SLC35D4: variants seen among roughly 807,000 people sequenced by gnomAD.
The protein encoded by SLC35D4 is solute carrier family 35 member D4.
At chr18:23,414,444 G>A in the SLC35D4 span, among the ~76,000 whole-genome samples, 7 of 150,382 alleles carry the variant, frequency 4.7e-5, no homozygotes, top group African/African-American at 4.9e-5. Context: ...AGGCCTAGGC[G>A]GGTGGATCAC....
At chr18:23,267,039 ACT>A in the SLC35D4 span, among the ~76,000 whole-genome samples, 1 of 152,074 alleles carries the variant, frequency 6.6e-6, no homozygotes, top group African/African-American at 2.4e-5. Flanking sequence ...CTGTGCCCAC[ACT>A]CTGCCCTAAA....
At chr18:23,384,881 G>T in the SLC35D4 span, 1 of 903,594 alleles carries the variant, frequency 1.1e-6, no homozygotes, top group East Asian at 2.6e-5. Context: ...ATCTTGCCTG[G>T]AGATTGGTGG....
At chr18:23,374,672 G>A in the SLC35D4 span, among the ~76,000 whole-genome samples, 1 of 151,908 alleles carries the variant, frequency 6.6e-6, no homozygotes, top group Non-Finnish European at 1.5e-5. Flanking sequence ...TTTAGTAGAG[G>A]TGGGGTTTCT....
At chr18:23,298,096 C>G in the SLC35D4 span, 2 of 1,613,296 alleles carry the variant, frequency 1.2e-6, no homozygotes, top group South Asian at 1.1e-5. Flanking sequence ...GGTCAGCTCT[C>G]CACTCCCCCG....
At chr18:23,318,763 G>A in the SLC35D4 span, among the ~76,000 whole-genome samples, 2 of 152,156 alleles carry the variant, frequency 1.3e-5, no homozygotes, top group African/African-American at 4.8e-5. Context: ...GTAGACATTT[G>A]AGGATTAGAT....
At chr18:23,300,497 G>C in the SLC35D4 span, among the ~76,000 whole-genome samples, 2 of 152,206 alleles carry the variant, frequency 1.3e-5, no homozygotes, top group Non-Finnish European at 2.9e-5. Flanking sequence ...TTAGAAAAAT[G>C]CTGGAGTATA....
the SLC35D4 span, chr18:23,260,363 C>CCCTA: frequency 6.6e-6 from 1 of 152,276 alleles, no homozygotes; most frequent in Non-Finnish European, 1.5e-5. Flanking sequence ...CCACTCTGTA[C>CCCTA]CACGTGCCCT....
At chr18:23,268,757 G>A in the SLC35D4 span, among the ~76,000 whole-genome samples, 4 of 152,262 alleles carry the variant, frequency 2.6e-5, no homozygotes, top group Non-Finnish European at 4.4e-5. Context: ...AGCGGCTGGA[G>A]GGTATATTTC....
the SLC35D4 span, among the ~76,000 whole-genome samples, chr18:23,361,937 A>G: frequency 1.3e-5 from 2 of 152,204 alleles, no homozygotes; most frequent in Middle Eastern, 3.2e-3. Context: ...AGTGGTTTTT[A>G]GTATATTCAT....
chr18:23,281,431 T>C, the SLC35D4 span, among the ~76,000 whole-genome samples: 1 of 152,300 alleles, frequency 6.6e-6, no homozygotes, highest in Non-Finnish European at 1.5e-5. Context: ...TGACTGATCC[T>C]CCCACCTCAG....
the SLC35D4 span, among the ~76,000 whole-genome samples, chr18:23,347,594 A>C: frequency 6.6e-6 from 1 of 151,984 alleles, no homozygotes; most frequent in Non-Finnish European, 1.5e-5. Flanking sequence ...AATCATTTAA[A>C]ATTTTTTTCT....
the SLC35D4 span, among the ~76,000 whole-genome samples, chr18:23,265,253 G>A: frequency 6.6e-6 from 1 of 152,126 alleles, no homozygotes; most frequent in Non-Finnish European, 1.5e-5. Flanking sequence ...GAACTGGGGT[G>A]TGTGTTCCAC....
chr18:23,249,759 CCCGACA>C, the SLC35D4 span, among the ~76,000 whole-genome samples: 2 of 152,130 alleles, frequency 1.3e-5, no homozygotes, highest in Non-Finnish European at 2.9e-5. Flanking sequence ...ACCCCCCGCC[CCCGACA>C]GCCCTTTCCA....
chr18:23,340,387 T>C, the SLC35D4 span, among the ~76,000 whole-genome samples: 1 of 152,024 alleles, frequency 6.6e-6, no homozygotes, highest in Non-Finnish European at 1.5e-5. Context: ...GCCAGCTGTT[T>C]CAGGCCAGCA....
the SLC35D4 span, among the ~76,000 whole-genome samples, chr18:23,435,084 G>T: frequency 4.0e-5 from 6 of 151,028 alleles, no homozygotes; most frequent in Non-Finnish European, 8.9e-5. Flanking sequence ...CTTGAACCTG[G>T]GAGGCGGAGG....
the SLC35D4 span, chr18:23,430,681 A>C: frequency 6.2e-7 from 1 of 1,611,300 alleles, no homozygotes; most frequent in Non-Finnish European, 8.5e-7. Flanking sequence ...GCACATACTG[A>C]AAAACAAACA....
At chr18:23,410,570 T>G in the SLC35D4 span, among the ~76,000 whole-genome samples, 12 of 151,594 alleles carry the variant, frequency 7.9e-5, no homozygotes, top group Admixed American at 2.6e-4. Context: ...TTTGGGAGGC[T>G]GAGACGGGCA....
the SLC35D4 span, among the ~76,000 whole-genome samples, chr18:23,397,366 C>CAGAAACCAGG: frequency 6.6e-6 from 1 of 152,208 alleles, no homozygotes; most frequent in Non-Finnish European, 1.5e-5. Context: ...GGAAAATGGT[C>CAGAAACCAGG]TCTTTCCACT....
the SLC35D4 span, among the ~76,000 whole-genome samples, chr18:23,428,336 G>A: frequency 1.3e-5 from 2 of 151,892 alleles, no homozygotes; most frequent in African/African-American, 2.4e-5. Flanking sequence ...AAAATTATAC[G>A]ACAAAACAAC....
Sources: allele counts gnomAD v4.1 joint callset (sites outside exome capture counted in the v4.1 genomes callset), GRCh38; gene constraint gnomAD v4.1.1; transcripts MANE v1.5; gene names NCBI Gene and HGNC (gene_info 2026-07-23, HGNC 2026-07-21).